NICOL1: variants seen among roughly 807,000 people sequenced by gnomAD.
The protein encoded by NICOL1 is NELL2-interacting cell ontogeny regulator 1.
At chr4:2,038,267 A>G in the NICOL1 span, among the ~76,000 whole-genome samples, 12 of 82,890 alleles carry the variant, frequency 1.4e-4, no homozygotes, top group South Asian at 7.1e-4. Context: ...ATATATATAT[A>G]TATATATATA....
At chr4:2,042,182 A>G in the NICOL1 span, 8 of 895,924 alleles carry the variant, frequency 8.9e-6, no homozygotes, top group South Asian at 1.9e-5. Flanking sequence ...GGAGGTGGGG[A>G]GGGGGCTCCC....
the NICOL1 span, among the ~76,000 whole-genome samples, chr4:2,036,865 G>C: frequency 4.2e-4 from 64 of 152,140 alleles, no homozygotes; most frequent in Non-Finnish European, 7.5e-4. Flanking sequence ...CAGAGTGGGA[G>C]GGCTGTCACA....
chr4:2,041,006 G>T, the NICOL1 span, among the ~76,000 whole-genome samples: 2 of 152,106 alleles, frequency 1.3e-5, no homozygotes, highest in African/African-American at 2.4e-5. Flanking sequence ...GGCTGGGGAG[G>T]GGGGCGCCCG....
the NICOL1 span, chr4:2,042,357 C>A: frequency 2.7e-5 from 14 of 514,744 alleles, no homozygotes; most frequent in African/African-American, 2.4e-4. Context: ...TGGCCATGGC[C>A]CCCCCGCCCG....
At chr4:2,041,150 T>TGGGGGGGGGGGGG in the NICOL1 span, among the ~76,000 whole-genome samples, 3 of 65,582 alleles carry the variant, frequency 4.6e-5, no homozygotes, top group Non-Finnish European at 1.0e-4. Context: ...CTGGGTGGGG[T>TGGGGGGGGGGGGG]GGGGGGGGAG....
At chr4:2,041,834 A>G in the NICOL1 span, 1 of 719,702 alleles carries the variant, frequency 1.4e-6, no homozygotes, top group Non-Finnish European at 2.1e-6. Context: ...TGCATCCGCC[A>G]TGGGCCTGGA....
chr4:2,038,237 G>GTATA, the NICOL1 span, among the ~76,000 whole-genome samples: 188 of 91,346 alleles, frequency 2.1e-3, 2 homozygotes, highest in Non-Finnish European at 3.1e-3. Context: ...TGATCAGTGT[G>GTATA]TATATATATA....
At chr4:2,042,795 C>G in the NICOL1 span, 9 of 1,515,474 alleles carry the variant, frequency 5.9e-6, no homozygotes, top group Non-Finnish European at 7.0e-6. Context: ...GCAGGACCTG[C>G]GGAAGACAGC....
the NICOL1 span, chr4:2,042,898 C>A: frequency 1.9e-6 from 2 of 1,049,662 alleles, no homozygotes; most frequent in African/African-American, 1.7e-5. Context: ...GAGGAAGAGG[C>A]CCCCTGCGGG....
chr4:2,042,037 C>G, the NICOL1 span: 2 of 1,477,268 alleles, frequency 1.4e-6, no homozygotes, highest in South Asian at 2.6e-5. Context: ...CCGGTGTCCC[C>G]GCGCTGCTGG....
the NICOL1 span, chr4:2,041,947 T>A: frequency 2.1e-6 from 3 of 1,450,864 alleles, no homozygotes; most frequent in South Asian, 1.4e-5. Context: ...CGGGTTTCCA[T>A]GACGACGACG....
chr4:2,037,959 A>G, the NICOL1 span, among the ~76,000 whole-genome samples: 1 of 151,518 alleles, frequency 6.6e-6, no homozygotes, highest in Non-Finnish European at 1.5e-5. Flanking sequence ...AAATTTTACC[A>G]CAAATACTAT....
chr4:2,038,269 AT>A, the NICOL1 span, among the ~76,000 whole-genome samples: 1 of 81,704 alleles, frequency 1.2e-5, no homozygotes, highest in African/African-American at 5.5e-5. Context: ...ATATATATAT[AT>A]ATATATATAT....
chr4:2,038,237 GTATATATATATATATA>G, the NICOL1 span, among the ~76,000 whole-genome samples: 1,911 of 91,450 alleles, frequency 0.021, 32 homozygotes, highest in Non-Finnish European at 0.033. Context: ...TGATCAGTGT[GTATATATATATATATA>G]TATATATATA....
At chr4:2,036,658 C>T in the NICOL1 span, among the ~76,000 whole-genome samples, 1 of 152,158 alleles carries the variant, frequency 6.6e-6, no homozygotes, top group East Asian at 1.9e-4. Context: ...AAGAAATCCT[C>T]CCTGTGGGTA....
chr4:2,042,026 G>C, the NICOL1 span: 1 of 1,475,264 alleles, frequency 6.8e-7, no homozygotes, highest in East Asian at 2.9e-5. Context: ...CGGAACGTCT[G>C]CCGGTGTCCC....
chr4:2,038,237 GTATATATATATATA>G, the NICOL1 span, among the ~76,000 whole-genome samples: 212 of 91,460 alleles, frequency 2.3e-3, 1 homozygote, highest in Admixed American at 6.0e-3. Flanking sequence ...TGATCAGTGT[GTATATATATATATA>G]TATATATATA....
the NICOL1 span, among the ~76,000 whole-genome samples, chr4:2,041,341 C>T: frequency 6.6e-6 from 1 of 152,210 alleles, no homozygotes; most frequent in Admixed American, 6.5e-5. Flanking sequence ...CTCTTTAAGG[C>T]CAACAGCCCT....
chr4:2,042,430 C>A, the NICOL1 span: 1 of 460,344 alleles, frequency 2.2e-6, no homozygotes, highest in Non-Finnish European at 3.8e-6. Context: ...GAGTCTGGCG[C>A]TGCTGGGCGC....
Sources: allele counts gnomAD v4.1 joint callset (sites outside exome capture counted in the v4.1 genomes callset), GRCh38; gene constraint gnomAD v4.1.1; transcripts MANE v1.5; gene names NCBI Gene and HGNC (gene_info 2026-07-23, HGNC 2026-07-21).